SYNDIG1: variants seen among roughly 807,000 people sequenced by gnomAD.
SYNDIG1 encodes synapse differentiation inducing 1.
SYNDIG1 carries 9 observed loss-of-function variants against 19.4 expected under a neutral mutation model. The observed-to-expected ratio is 0.46, with a 90% CI of 0.28 to 0.81. SYNDIG1 has a LOEUF of 0.81. SYNDIG1 is among the 30% of genes least tolerant of loss of function. The pLI, the probability that SYNDIG1 is intolerant of heterozygous loss-of-function variation, is 0.12. For missense variants in SYNDIG1, 311 were observed against 343.3 expected, an observed-to-expected ratio of 0.91 and a Z score of 0.74; for synonymous variants, 141 against 145.9, an observed-to-expected ratio of 0.97 and a Z score of 0.24.
intron 3 of SYNDIG1, among the ~76,000 whole-genome samples, chr20:24,625,904 C>A (rs997312312): frequency 1.3e-5 from 2 of 152,164 alleles, no homozygotes; most frequent in African/African-American, 4.8e-5. Flanking sequence ...AGGTGGTGGC[C>A]GGGCAGAGGG....
rs141374999 is a variant in SYNDIG1 at position 24,664,723 on chromosome 20, G to A, written c.619-623G>A. Among the ~76,000 whole-genome samples, 569 of 152,218 alleles carry A rather than the reference G, an allele frequency of 3.7e-3. 1 individual carries two copies. The highest frequency in any genetic ancestry group is 0.027 in the Middle Eastern group (8 of 294). On this transcript the variant is annotated intron_variant, in intron 3 of 3. Coordinates refer to ENST00000376862, the MANE Select transcript of SYNDIG1 (RefSeq NM_024893.3). Reference sequence around the variant, plus strand: ...TTATTGATGGATGAATTTTACTAACGCCAACCATGTCCAGGGTGGGGACGG... The same window carrying A: ...TTATTGATGGATGAATTTTACTAACACCAACCATGTCCAGGGTGGGGACGG...
chr20:24,553,032 G>A (rs1488342636), intron 2 of SYNDIG1, among the ~76,000 whole-genome samples: 1 of 151,778 alleles, frequency 6.6e-6, no homozygotes, highest in East Asian at 1.9e-4. Flanking sequence ...TCTCATTGTG[G>A]TTTTGATTTG....
intron 1 of SYNDIG1, among the ~76,000 whole-genome samples, chr20:24,517,301 A>T (rs556001631): frequency 9.7e-4 from 137 of 141,780 alleles, no homozygotes; most frequent in East Asian, 3.0e-3. Context: ...AAAGTATAAT[A>T]AAAAAAAAAA....
intron 3 of SYNDIG1, among the ~76,000 whole-genome samples, chr20:24,617,572 C>T (rs1232616831): frequency 1.3e-5 from 2 of 152,158 alleles, no homozygotes; most frequent in Admixed American, 6.5e-5. Context: ...GCGAAGGGGC[C>T]CCAGACATAG....
chr20:24,518,626 G>C (rs1390001836), intron 1 of SYNDIG1, among the ~76,000 whole-genome samples: 1 of 152,136 alleles, frequency 6.6e-6, no homozygotes, highest in Non-Finnish European at 1.5e-5. Flanking sequence ...TGACGCTCTG[G>C]GCAGAAGGTG....
rs182650578 is a variant in SYNDIG1 at position 24,583,382 on chromosome 20, C to T, written c.481-1474C>T. Among the ~76,000 whole-genome samples, 22 of 152,312 alleles carry T rather than the reference C, an allele frequency of 1.4e-4. No homozygotes were observed. The East Asian group carries it at 3.5e-3, about 24-fold the overall frequency. On this transcript the variant is annotated intron_variant, in intron 2 of 3. Transcript: ENST00000376862. ...CATGCACTGCCAGTCATTCTCGAAG[C>T]GCTCCAGCTTGCGGCAGGAGGCCTC...
chr20:24,544,599 C>T (rs562189698), intron 2 of SYNDIG1, among the ~76,000 whole-genome samples: 2 of 152,042 alleles, frequency 1.3e-5, no homozygotes, highest in East Asian at 1.9e-4. Flanking sequence ...GAACTCCAAG[C>T]ATGTATGTGT....
chr20:24,594,640 G>A (rs58561888), intron 3 of SYNDIG1, among the ~76,000 whole-genome samples: 9 of 152,078 alleles, frequency 5.9e-5, no homozygotes, highest in South Asian at 2.1e-4. Context: ...TAACAATATC[G>A]ATTCTTCCTA....
At chr20:24,519,859 C>G (rs1326502676) in intron 1 of SYNDIG1, among the ~76,000 whole-genome samples, 1 of 151,360 alleles carries the variant, frequency 6.6e-6, no homozygotes, top group African/African-American at 2.4e-5. Context: ...ACACACACAC[C>G]CCACCACCAC....
At chr20:24,620,775 A>T (rs1483163359) in intron 3 of SYNDIG1, among the ~76,000 whole-genome samples, 2 of 151,944 alleles carry the variant, frequency 1.3e-5, no homozygotes, top group Non-Finnish European at 2.9e-5. Context: ...ACGTATTTGT[A>T]TTAATAGGTT....
intron 1 of SYNDIG1, among the ~76,000 whole-genome samples, chr20:24,496,303 G>T (rs143454924): frequency 6.6e-6 from 1 of 152,168 alleles, no homozygotes; most frequent in Non-Finnish European, 1.5e-5. Flanking sequence ...CTATGGCTGC[G>T]TTTGAGAAGT....
intron 1 of SYNDIG1, among the ~76,000 whole-genome samples, chr20:24,487,313 T>G (rs2055995495): frequency 1.3e-5 from 2 of 152,142 alleles, no homozygotes; most frequent in Admixed American, 1.3e-4. Flanking sequence ...CATTTGGAGG[T>G]AGAAAATCAG....
At chr20:24,608,278 T>A (rs6114802) in intron 3 of SYNDIG1, among the ~76,000 whole-genome samples, 1 of 151,822 alleles carries the variant, frequency 6.6e-6, no homozygotes, top group South Asian at 2.1e-4. Flanking sequence ...TCCCGGGTTC[T>A]AGCGATTCTC....
chr20:24,629,913 C>A (rs2059214979), intron 3 of SYNDIG1, among the ~76,000 whole-genome samples: 1 of 152,160 alleles, frequency 6.6e-6, no homozygotes, highest in African/African-American at 2.4e-5. Flanking sequence ...TGTGTCTCTG[C>A]CTCCTGCTGC....
chr20:24,640,976 C>A (rs1052003794), intron 3 of SYNDIG1, among the ~76,000 whole-genome samples: 2 of 152,206 alleles, frequency 1.3e-5, no homozygotes, highest in Non-Finnish European at 1.5e-5. Context: ...TCTTCGTCCC[C>A]GGTGGGTGTT....
At chr20:24,623,663 C>G (rs1167404247) in intron 3 of SYNDIG1, among the ~76,000 whole-genome samples, 3 of 152,054 alleles carry the variant, frequency 2.0e-5, no homozygotes, top group Non-Finnish European at 4.4e-5. Context: ...TGTGAGGTAC[C>G]CGCACGACAC....
intron 1 of SYNDIG1, among the ~76,000 whole-genome samples, chr20:24,530,179 A>G (rs986169658): frequency 2.6e-5 from 4 of 152,150 alleles, no homozygotes; most frequent in Non-Finnish European, 5.9e-5. Flanking sequence ...AAAAGCAGCA[A>G]TGGTCTGAAT....
chr20:24,493,945 C>T (rs1292905216), intron 1 of SYNDIG1, among the ~76,000 whole-genome samples: 2 of 152,176 alleles, frequency 1.3e-5, no homozygotes, highest in Non-Finnish European at 2.9e-5. Context: ...CGTGTGGAGG[C>T]CCAGAGGAGG....
intron 1 of SYNDIG1, among the ~76,000 whole-genome samples, chr20:24,517,676 GTATA>G (rs1568604084): frequency 2.8e-5 from 4 of 141,714 alleles, no homozygotes; most frequent in Admixed American, 7.2e-5. Context: ...ATATATATGT[GTATA>G]TGTATATATA....
Sources: gnomAD v4.1 joint callset for allele counts (sites outside exome capture counted in the v4.1 genomes callset) on GRCh38, gnomAD v4.1.1 for gene constraint, MANE v1.5 for transcripts, NCBI Gene and HGNC (gene_info 2026-07-23, HGNC 2026-07-21) for gene names.